PCSK5: variants seen among roughly 807,000 people sequenced by gnomAD.
PCSK5 encodes proprotein convertase subtilisin/kexin type 5, also known as prohormone convertase 5.
In PCSK5, 129 loss-of-function variants were observed where a neutral mutation model predicts 233.2. The ratio of observed to expected loss-of-function variants is 0.55; its 90% CI spans 0.48 to 0.64. The LOEUF (loss-of-function observed/expected upper bound fraction) is 0.64, where lower values mean the gene tolerates loss of function less well. PCSK5 is among the 30% of genes least tolerant of loss of function. The probability of loss-of-function intolerance (pLI) is 0.00; values close to 1 mark genes in which losing one functional copy is unlikely to be tolerated. For synonymous variants in PCSK5, 825 were observed against 879.2 expected (o/e 0.94, Z 1.09); for missense variants, 2,076 against 2,430.1 (o/e 0.85, Z 3.06).
At chr9:75,942,296 A>G (rs771499724) in intron 2 of PCSK5, among the ~76,000 whole-genome samples, 22 of 152,260 alleles carry the variant, frequency 1.4e-4, no homozygotes, top group Non-Finnish European at 3.1e-4. Context: ...AAAAATATTT[A>G]TGTGGATCAA....
chr9:76,273,564 A>ATATATAT (rs1564148799), intron 24 of PCSK5, among the ~76,000 whole-genome samples: 33 of 74,860 alleles, frequency 4.4e-4, no homozygotes, highest in African/African-American at 1.7e-3. Context: ...ACAAAATAGT[A>ATATATAT]ATATATATAT....
chr9:76,030,011 G>A (rs1434651442), intron 5 of PCSK5, among the ~76,000 whole-genome samples: 2 of 151,990 alleles, frequency 1.3e-5, no homozygotes, highest in Non-Finnish European at 2.9e-5. Flanking sequence ...TCTAAATTCT[G>A]GAGAAATTAG....
rs555948424 is a variant in PCSK5, at chr9:76,254,474, A to T, written c.3142+13790A>T. Among the ~76,000 whole-genome samples the T allele has an allele frequency of 1.1e-4, 14 of 130,314 alleles. No homozygotes were observed. The South Asian group carries it at 3.3e-3, about 31-fold the overall frequency. 85.5% of individuals were successfully genotyped at this position (130,314 alleles called of 152,430 possible). A position where few individuals can be genotyped will look rare whatever the true frequency, so the allele number is the denominator to read the frequency against. ...AACTCTTTTGAAGAAGTCACTATTTAAAAAAAAAAAAAAGATGAAATTTCC... is the reference window on the plus strand; with the variant it reads ...AACTCTTTTGAAGAAGTCACTATTTTAAAAAAAAAAAAAGATGAAATTTCC... On this transcript the variant is annotated intron_variant, in intron 24 of 37. Transcript: ENST00000674117.
chr9:76,175,495 G>A, intron 14 of PCSK5: 2 of 362,762 alleles, frequency 5.5e-6, no homozygotes, highest in Non-Finnish European at 9.8e-6. Flanking sequence ...TGTAATCTGG[G>A]ACATATTGTT....
At chr9:76,307,993 T>C (rs1587853258) in intron 28 of PCSK5, among the ~76,000 whole-genome samples, 1 of 151,016 alleles carries the variant, frequency 6.6e-6, no homozygotes, top group Admixed American at 6.6e-5. Flanking sequence ...AGGTCAAGAG[T>C]TCAAGACCAG....
intron 27 of PCSK5, among the ~76,000 whole-genome samples, chr9:76,300,210 C>T (rs75146917): frequency 0.02 from 3,082 of 152,258 alleles, 108 homozygotes; most frequent in African/African-American, 0.068. Context: ...TGGGAAGATA[C>T]GTTGCCTAAT....
At chr9:76,076,803 A>G (rs1280584998) in intron 7 of PCSK5, among the ~76,000 whole-genome samples, 1 of 152,230 alleles carries the variant, frequency 6.6e-6, no homozygotes, top group Non-Finnish European at 1.5e-5. Flanking sequence ...AACTATGTTA[A>G]ACAAACCTTG....
At chr9:75,898,836 T>C (rs1825912967) in intron 1 of PCSK5, among the ~76,000 whole-genome samples, 1 of 152,194 alleles carries the variant, frequency 6.6e-6, no homozygotes, top group Non-Finnish European at 1.5e-5. Context: ...CCATGTAACA[T>C]ACAGATCAGA....
At chr9:76,174,012 C>T (rs1473098602) in intron 13 of PCSK5, among the ~76,000 whole-genome samples, 2 of 151,992 alleles carry the variant, frequency 1.3e-5, no homozygotes, top group Non-Finnish European at 2.9e-5. Context: ...ACCCATAGAA[C>T]ATTCTGCAAT....
chr9:75,989,017 G>A (rs1826648280), intron 3 of PCSK5, among the ~76,000 whole-genome samples: 1 of 152,130 alleles, frequency 6.6e-6, no homozygotes, highest in Admixed American at 6.5e-5. Context: ...AGTATCTTGA[G>A]GACAACCAAA....
In PCSK5 at chr9:76,321,771, C is replaced by A. The variant is rs577128754; in HGVS notation, c.4102+132C>A. On this transcript the variant is annotated intron_variant, in intron 31 of 37. Coordinates refer to ENST00000674117, the MANE Select transcript of PCSK5 (RefSeq NM_001372043.1). ...CATTCCTGAAAGGTATGTCTCTGTG[C>A]CTGTCATCAGAGAAACTGAGGGTGA... 8.1e-6 allele frequency: 5 copies of A among 613,606 alleles called. No individual in the cohort carries two copies. In the East Asian group the frequency reaches 1.4e-4, roughly 17 times the overall value. The allele number at this position is 613,606 out of a possible 1,614,324, so 38.0% of individuals were successfully genotyped here. A position where few individuals can be genotyped will look rare whatever the true frequency, so the allele number is the denominator to read the frequency against.
chr9:76,227,646 G>A, intron 21 of PCSK5, 41 bp downstream of exon 21: 1 of 1,304,102 alleles, frequency 7.7e-7, no homozygotes, highest in Middle Eastern at 1.9e-4. Flanking sequence ...GTGAGCTCAT[G>A]GATTGCAGGG....
intron 20 of PCSK5, among the ~76,000 whole-genome samples, chr9:76,214,680 C>T (rs549310667): frequency 3.9e-5 from 6 of 152,230 alleles, no homozygotes; most frequent in African/African-American, 1.4e-4. Flanking sequence ...TGGAGCACTC[C>T]GAACAATTCC....
intron 7 of PCSK5, among the ~76,000 whole-genome samples, chr9:76,078,362 C>T (rs537151035): frequency 1.3e-5 from 2 of 152,154 alleles, no homozygotes; most frequent in Non-Finnish European, 2.9e-5. Context: ...AGACCCATAT[C>T]CAAAATGGCA....
intron 24 of PCSK5, among the ~76,000 whole-genome samples, chr9:76,261,070 A>G (rs1455071147): frequency 6.6e-6 from 1 of 152,200 alleles, no homozygotes; most frequent in East Asian, 1.9e-4. Flanking sequence ...TTCAAGGTCC[A>G]GGTGTTGTGC....
intron 20 of PCSK5, among the ~76,000 whole-genome samples, chr9:76,218,400 A>T (rs749507794): frequency 6.6e-6 from 1 of 152,174 alleles, no homozygotes; most frequent in African/African-American, 2.4e-5. Flanking sequence ...CACATATGCA[A>T]CCAATACATT....
rs559679124 is a variant in PCSK5, at chr9:75,970,763, C to T, written c.298-15369C>T. Among the ~76,000 whole-genome samples, 12 of 151,904 alleles carry T rather than the reference C, an allele frequency of 7.9e-5. No individual in the cohort carries two copies. In the East Asian group the frequency reaches 9.7e-4, roughly 12 times the overall value. ...CAGCCTCCCGAGTAGCTGGGACTAC[C>T]GGCGCACACTGCCACGCCTGGTTAA... On this transcript the variant is annotated intron_variant, in intron 2 of 37. Transcript: ENST00000674117.
intron 1 of PCSK5, among the ~76,000 whole-genome samples, chr9:75,914,206 A>T (rs1822880108): frequency 6.6e-6 from 1 of 152,204 alleles, no homozygotes; most frequent in Non-Finnish European, 1.5e-5. Context: ...AGATAGATTT[A>T]CTTGAGTGTT....
chr9:76,346,000 G>A (rs11144847), intron 35 of PCSK5, among the ~76,000 whole-genome samples: 34,854 of 152,038 alleles, frequency 0.23, 4,149 homozygotes, highest in Middle Eastern at 0.41. Flanking sequence ...GATTACAGGC[G>A]TGGACCACCA....
Sources: gnomAD v4.1 joint callset for allele counts (sites outside exome capture counted in the v4.1 genomes callset) on GRCh38, gnomAD v4.1.1 for gene constraint, MANE v1.5 for transcripts, NCBI Gene and HGNC (gene_info 2026-07-23, HGNC 2026-07-21) for gene names.